CDH13: variants seen among roughly 807,000 people sequenced by gnomAD.
The protein encoded by CDH13 is cadherin 13.
CDH13 carries 24 observed loss-of-function variants against 63.8 expected under a neutral mutation model. The observed-to-expected ratio is 0.38, with a 90% CI of 0.27 to 0.53. The LOEUF is 0.53. CDH13 is among the 20% of genes least tolerant of loss of function. CDH13 has a pLI of 0.85. For missense variants in CDH13, 1,049 were observed against 903.1 expected (o/e 1.16, Z -2.07); for synonymous variants, 503 against 355.3 (o/e 1.42, Z -4.67).
intron 6 of CDH13, among the ~76,000 whole-genome samples, chr16:83,445,204 T>C (rs1027790564): frequency 6.6e-6 from 1 of 151,928 alleles, no homozygotes; most frequent in Non-Finnish European, 1.5e-5. Flanking sequence ...TTTTCCCATT[T>C]TGCAGCTGAG....
At chr16:83,242,028 G>A (rs564913611) in intron 5 of CDH13, among the ~76,000 whole-genome samples, 4 of 152,118 alleles carry the variant, frequency 2.6e-5, no homozygotes, top group Non-Finnish European at 5.9e-5. Flanking sequence ...CATGAGGTAA[G>A]GGTCTAAGTT....
intron 2 of CDH13, among the ~76,000 whole-genome samples, chr16:83,029,005 A>G (rs1417797695): frequency 6.6e-6 from 1 of 152,202 alleles, no homozygotes; most frequent in African/African-American, 2.4e-5. Flanking sequence ...TTTGCACTCC[A>G]TGAGCCTCAG....
rs76983801 is a variant in CDH13 at position 83,596,238 on chromosome 16, G to A, written c.961-6216G>A. On this transcript the variant is annotated intron_variant, in intron 7 of 13. Coordinates refer to ENST00000567109, the MANE Select transcript of CDH13 (RefSeq NM_001257.5). The stretch of plus-strand genomic sequence containing the variant: ...GTGAACCTGGACAAGTGAAGAGGCA[G>A]GTTGCCTTCCTCATGGGCAGAGAGA... 6.4e-3 allele frequency among the ~76,000 whole-genome samples: 976 copies of A among 152,326 alleles called. 6 individuals are homozygous for A. The highest frequency in any genetic ancestry group is 0.022 in the African/African-American group (903 of 41,570).
At chr16:83,076,145 C>T (rs945391442) in intron 3 of CDH13, among the ~76,000 whole-genome samples, 1 of 152,074 alleles carries the variant, frequency 6.6e-6, no homozygotes, top group Non-Finnish European at 1.5e-5. Flanking sequence ...GACCAAGTGG[C>T]CCATATGGGT....
intron 1 of CDH13, among the ~76,000 whole-genome samples, chr16:82,687,659 C>G (rs1236069817): frequency 6.6e-6 from 1 of 152,100 alleles, no homozygotes; most frequent in Non-Finnish European, 1.5e-5. Flanking sequence ...CCACCCACTT[C>G]CTCCCATGAC....
intron 5 of CDH13, among the ~76,000 whole-genome samples, chr16:83,227,692 C>T (rs1469041111): frequency 2.0e-5 from 3 of 152,098 alleles, no homozygotes; most frequent in Non-Finnish European, 1.5e-5. Context: ...GCTTTTTGGC[C>T]AGCTGAGTCT....
intron 1 of CDH13, chr16:82,727,536 A>T (rs369236687): frequency 6.6e-6 from 1 of 152,168 alleles, no homozygotes; most frequent in African/African-American, 2.4e-5. Context: ...GTTAAGGATC[A>T]ACTTTGGCTT....
chr16:82,906,153 A>G (rs547286578), intron 2 of CDH13, among the ~76,000 whole-genome samples: 13 of 152,282 alleles, frequency 8.5e-5, no homozygotes, highest in Non-Finnish European at 1.8e-4. Context: ...AATCTCTGAC[A>G]CTATATTTTC....
At chr16:82,849,192 G>A (rs573911519) in intron 1 of CDH13, among the ~76,000 whole-genome samples, 1 of 152,254 alleles carries the variant, frequency 6.6e-6, no homozygotes, top group East Asian at 1.9e-4. Context: ...GTAAAGAAAC[G>A]ATCCCTATAA....
intron 3 of CDH13, among the ~76,000 whole-genome samples, chr16:83,109,419 A>G (rs1464054730): frequency 6.6e-6 from 1 of 152,198 alleles, no homozygotes; most frequent in Non-Finnish European, 1.5e-5. Flanking sequence ...ATTTTCAGTT[A>G]AGTTTAGGAT....
At chr16:82,629,555 A>G (rs937506433) in intron 1 of CDH13, among the ~76,000 whole-genome samples, 1 of 152,216 alleles carries the variant, frequency 6.6e-6, no homozygotes, top group Non-Finnish European at 1.5e-5. Flanking sequence ...GAAGGGAAAA[A>G]CAATGTAATA....
intron 10 of CDH13, among the ~76,000 whole-genome samples, chr16:83,739,389 C>G (rs1324097692): frequency 2.0e-5 from 3 of 152,206 alleles, no homozygotes; most frequent in African/African-American, 7.2e-5. Context: ...CTCCTGCAAG[C>G]TGGTACCTGG....
chr16:83,379,417 GGATGGTA>G (rs1386637769), intron 6 of CDH13, among the ~76,000 whole-genome samples: 12 of 152,214 alleles, frequency 7.9e-5, no homozygotes, highest in African/African-American at 2.6e-4. Flanking sequence ...GTGGATGGAT[GGATGGTA>G]AGGTTATTGA....
chr16:82,767,228 T>G (rs2035089542), intron 1 of CDH13, among the ~76,000 whole-genome samples: 1 of 152,234 alleles, frequency 6.6e-6, no homozygotes, highest in South Asian at 2.1e-4. Flanking sequence ...CACACATCTG[T>G]GTAACCCAAA....
intron 5 of CDH13, among the ~76,000 whole-genome samples, chr16:83,306,524 T>G (rs1466557078): frequency 6.6e-6 from 1 of 152,198 alleles, no homozygotes. Flanking sequence ...TTTGACTTTC[T>G]CTACCTTGTT....
intron 7 of CDH13, among the ~76,000 whole-genome samples, chr16:83,539,809 GA>G (rs1257421910): frequency 2.0e-5 from 3 of 152,184 alleles, no homozygotes; most frequent in Non-Finnish European, 4.4e-5. Context: ...TGTGGCCCCA[GA>G]GGAGGAATGG....
At chr16:82,811,331 T>C (rs1188849734) in intron 1 of CDH13, among the ~76,000 whole-genome samples, 1 of 152,218 alleles carries the variant, frequency 6.6e-6, no homozygotes, top group African/African-American at 2.4e-5. Context: ...TTGACCATCA[T>C]AGCACTGTGT....
chr16:83,704,899 C>A (rs1471278905), intron 10 of CDH13, among the ~76,000 whole-genome samples: 1 of 152,240 alleles, frequency 6.6e-6, no homozygotes, highest in Non-Finnish European at 1.5e-5. Flanking sequence ...CAACACAGGG[C>A]AGAGGCCAGT....
chr16:82,783,378 A>G (rs1208231081), intron 1 of CDH13, among the ~76,000 whole-genome samples: 5 of 152,210 alleles, frequency 3.3e-5, no homozygotes, highest in East Asian at 1.9e-4. Flanking sequence ...TGGCTGCATC[A>G]TCATTAACTC....
Sources: allele counts gnomAD v4.1 joint callset (sites outside exome capture counted in the v4.1 genomes callset), GRCh38; gene constraint gnomAD v4.1.1; transcripts MANE v1.5; gene names NCBI Gene and HGNC (gene_info 2026-07-23, HGNC 2026-07-21).